The following LRRC37A2 variants were observed in gnomAD, a reference collection of about 807,000 sequenced individuals.
LRRC37A2 encodes leucine-rich repeat-containing protein 37A2.
LRRC37A2 carries 9 observed loss-of-function variants against 68.8 expected under a neutral mutation model. That is an observed-to-expected ratio of 0.13 (90% CI 0.08 to 0.23). The LOEUF (loss-of-function observed/expected upper bound fraction) is 0.23. Among genes scored for constraint, LRRC37A2 ranks in the 10% least tolerant of loss-of-function variants. The pLI is 1.00. For missense variants in LRRC37A2, 168 were observed against 950.4 expected, an observed-to-expected ratio of 0.18 and a Z score of 10.82; for synonymous variants, 63 against 367.6, an observed-to-expected ratio of 0.17 and a Z score of 9.48.
chr17:46,832,051 G>T, the LRRC37A2 span, among the ~76,000 whole-genome samples: 1 of 152,212 alleles, frequency 6.6e-6, no homozygotes. Context: ...TGAGGCCCGC[G>T]TGGTTTTGGG....
chr17:46,876,620 C>T, the LRRC37A2 span: 1 of 1,611,194 alleles, frequency 6.2e-7, no homozygotes, highest in East Asian at 2.2e-5. Flanking sequence ...CCAGAGCCGC[C>T]TGGTGGCCTT....
chr17:46,811,247 T>C, the LRRC37A2 span, among the ~76,000 whole-genome samples: 3 of 101,164 alleles, frequency 3.0e-5, no homozygotes, highest in African/African-American at 9.0e-5. Flanking sequence ...TAAGCGGCCT[T>C]AGGTGTCATC....
the LRRC37A2 span, among the ~76,000 whole-genome samples, chr17:46,734,692 A>G: frequency 9.2e-5 from 14 of 152,194 alleles, no homozygotes; most frequent in Non-Finnish European, 2.1e-4. Context: ...TGTGGACTAC[A>G]TAGATAGACA....
the LRRC37A2 span, among the ~76,000 whole-genome samples, chr17:46,947,924 A>G: frequency 6.6e-6 from 1 of 152,232 alleles, no homozygotes; most frequent in South Asian, 2.1e-4. Context: ...ATGTGCCACC[A>G]CGCCTGGCTA....
At chr17:46,757,708 A>AC in the LRRC37A2 span, among the ~76,000 whole-genome samples, 2 of 152,104 alleles carry the variant, frequency 1.3e-5, no homozygotes, top group African/African-American at 4.8e-5. Context: ...TCTTACTAAA[A>AC]AAAAAAAATG....
At chr17:47,003,339 C>T in the LRRC37A2 span, among the ~76,000 whole-genome samples, 1 of 150,706 alleles carries the variant, frequency 6.6e-6, no homozygotes, top group Non-Finnish European at 1.5e-5. Flanking sequence ...ATATACTATA[C>T]ATGTACTAGC....
chr17:46,458,001 C>T, the LRRC37A2 span, among the ~76,000 whole-genome samples: 2 of 59,186 alleles, frequency 3.4e-5, no homozygotes, highest in Non-Finnish European at 5.9e-5. Flanking sequence ...ATTAATTATC[C>T]TAATACTAAC....
At chr17:46,929,666 C>T in the LRRC37A2 span, 1 of 777,584 alleles carries the variant, frequency 1.3e-6, no homozygotes, top group African/African-American at 1.7e-5. Flanking sequence ...TGCACTCTGC[C>T]TTGGGGGCTT....
At chr17:46,501,082 A>C in the LRRC37A2 span, among the ~76,000 whole-genome samples, 40 of 151,278 alleles carry the variant, frequency 2.6e-4, 2 homozygotes, top group Non-Finnish European at 3.4e-4. Context: ...TAGAGACAGA[A>C]TATCCCTGTG....
chr17:47,000,063 T>TAAAATAAAATAAAAAAAAAAAAAAAAA, the LRRC37A2 span, among the ~76,000 whole-genome samples: 1 of 17,734 alleles, frequency 5.6e-5, no homozygotes, highest in Non-Finnish European at 1.6e-4. Flanking sequence ...TAAAATAAAA[T>TAAAATAAAATAAAAAAAAAAAAAAAAA]TAAAATAAAA....
the LRRC37A2 span, chr17:46,965,162 G>C: frequency 6.6e-6 from 1 of 152,210 alleles, no homozygotes; most frequent in Non-Finnish European, 1.5e-5. Context: ...GCATGTTCTC[G>C]GGTGGGCAGG....
chr17:46,774,017 C>T, the LRRC37A2 span: 1 of 1,470,876 alleles, frequency 6.8e-7, no homozygotes, highest in Non-Finnish European at 9.2e-7. Flanking sequence ...AGGCAGAGGG[C>T]CTGTGCCCTG....
the LRRC37A2 span, among the ~76,000 whole-genome samples, chr17:46,854,103 G>C: frequency 1.3e-5 from 2 of 152,186 alleles, no homozygotes; most frequent in African/African-American, 2.4e-5. Context: ...CCAATCTGGG[G>C]AGCAGGACAG....
At chr17:46,802,241 C>T in the LRRC37A2 span, among the ~76,000 whole-genome samples, 3 of 152,118 alleles carry the variant, frequency 2.0e-5, no homozygotes, top group Non-Finnish European at 4.4e-5. Flanking sequence ...AAGACCCAGG[C>T]AGGATTAAAG....
At chr17:46,774,020 G>C in the LRRC37A2 span, 1 of 1,450,030 alleles carries the variant, frequency 6.9e-7, no homozygotes, top group Non-Finnish European at 9.3e-7. Context: ...CAGAGGGCCT[G>C]TGCCCTGGCA....
chr17:46,821,834 G>A, the LRRC37A2 span, among the ~76,000 whole-genome samples: 2 of 152,220 alleles, frequency 1.3e-5, no homozygotes, highest in Non-Finnish European at 2.9e-5. Context: ...CTGCCGCTGT[G>A]TATTCAGTGA....
At chr17:46,933,937 G>A in the LRRC37A2 span, among the ~76,000 whole-genome samples, 5 of 32,980 alleles carry the variant, frequency 1.5e-4, no homozygotes, top group African/African-American at 2.6e-4. Flanking sequence ...GTGAGAGCCT[G>A]TCTCAAAAAA....
the LRRC37A2 span, among the ~76,000 whole-genome samples, chr17:46,854,023 G>A: frequency 5.9e-5 from 9 of 152,074 alleles, no homozygotes; most frequent in South Asian, 1.5e-3. Flanking sequence ...GATGAGTATC[G>A]GAGCCACCTC....
At chr17:46,846,889 A>G in the LRRC37A2 span, among the ~76,000 whole-genome samples, 2 of 152,182 alleles carry the variant, frequency 1.3e-5, no homozygotes, top group African/African-American at 2.4e-5. Context: ...AAGATAGGAC[A>G]GGGGCCCTTC....
Sources: allele counts gnomAD v4.1 joint callset (sites outside exome capture counted in the v4.1 genomes callset), GRCh38; gene constraint gnomAD v4.1.1; transcripts MANE v1.5; gene names NCBI Gene and HGNC (gene_info 2026-07-23, HGNC 2026-07-21).